Variants in SEZ6L observed in about 807,000 individuals in gnomAD.
SEZ6L encodes the protein seizure 6-like protein.
In SEZ6L, 37 loss-of-function variants were observed where a neutral mutation model predicts 106.2. The ratio of observed to expected loss-of-function variants is 0.35; its 90% CI spans 0.27 to 0.46. The LOEUF (loss-of-function observed/expected upper bound fraction) is 0.46, where lower values mean the gene tolerates loss of function less well. Among genes scored for constraint, SEZ6L ranks in the 20% least tolerant of loss-of-function variants. The probability of loss-of-function intolerance (pLI) is 1.00; values close to 1 mark genes in which losing one functional copy is unlikely to be tolerated. For synonymous variants in SEZ6L, 541 were observed against 570.4 expected (o/e 0.95, Z 0.73); for missense variants, 1,172 against 1,332.8 (o/e 0.88, Z 1.88).
At chr22:26,185,234 A>G (rs972183208) in intron 1 of SEZ6L, among the ~76,000 whole-genome samples, 9 of 152,248 alleles carry the variant, frequency 5.9e-5, no homozygotes, top group Admixed American at 2.0e-4. Context: ...AGAGAATGGG[A>G]ATCCCTCTGT....
intron 1 of SEZ6L, among the ~76,000 whole-genome samples, chr22:26,285,914 A>G (rs1475419201): frequency 6.6e-6 from 1 of 151,336 alleles, no homozygotes; most frequent in Non-Finnish European, 1.5e-5. Flanking sequence ...TGAACCTCAC[A>G]CTCCTTTACT....
chr22:26,190,051 G>A (rs1480140934), intron 1 of SEZ6L, among the ~76,000 whole-genome samples: 1 of 151,312 alleles, frequency 6.6e-6, no homozygotes, highest in Non-Finnish European at 1.5e-5. Context: ...GAGCCAAGAT[G>A]GCGCCACTGC....
chr22:26,263,409 T>A (rs2145822849), intron 1 of SEZ6L, among the ~76,000 whole-genome samples: 1 of 152,360 alleles, frequency 6.6e-6, no homozygotes, highest in South Asian at 2.1e-4. Flanking sequence ...TCAATATCTC[T>A]GGATGAGACA....
Position 26,293,152 on chromosome 22 carries a change from C to T in SEZ6L, c.835+6C>T, listed in dbSNP as rs895822426. 6.6e-7 allele frequency: 1 copy of T among 1,510,616 alleles called. No homozygotes were observed. Among genetic ancestry groups the T allele is most frequent in the Admixed American group, 2.2e-5 (1 of 45,080 alleles). The allele number at this position is 1,510,616 out of a possible 1,614,324, so 93.6% of individuals were successfully genotyped here. ...CACCACCGAGCAGGCACCAGGTATG[C>T]AGCCCCCAACTCCTGAAGCCATCCT... On this transcript the variant is annotated splice_donor_region_variant and intron_variant, in intron 2 of 16. Transcript: ENST00000248933.
At chr22:26,174,734 C>A (rs1180788695) in intron 1 of SEZ6L, among the ~76,000 whole-genome samples, 1 of 152,116 alleles carries the variant, frequency 6.6e-6, no homozygotes, top group African/African-American at 2.4e-5. Flanking sequence ...GGGAATAGGA[C>A]TGCTTTGAGG....
At position 26,365,409 on chromosome 22, in the gene SEZ6L, T is replaced by G; in HGVS notation, c.2637T>G (p.Pro879=). ...ESLACDNPGL[P]ENGYQILYKR... ...TGGCATGTGACAACCCAGGGCTGCCTGAAAATGGATACCAAATCCTGTACA... is the reference window on the plus strand; with the variant it reads ...TGGCATGTGACAACCCAGGGCTGCCGGAAAATGGATACCAAATCCTGTACA... The change falls in exon 13 of 17, where the codon CCT becomes CCG. Residue 879 remains proline (P), a synonymous_variant. Transcript: ENST00000248933. 6.2e-7 allele frequency: 1 copy of G among 1,612,938 alleles called. No homozygotes were observed. Among genetic ancestry groups the G allele is most frequent in the Non-Finnish European group, 8.5e-7 (1 of 1,179,016 alleles).
At chr22:26,362,794 A>G (rs771684953) in intron 12 of SEZ6L, among the ~76,000 whole-genome samples, 1 of 152,192 alleles carries the variant, frequency 6.6e-6, no homozygotes, top group Non-Finnish European at 1.5e-5. Context: ...AAGGGTGGGA[A>G]GGAAACAGTT....
intron 1 of SEZ6L, among the ~76,000 whole-genome samples, chr22:26,199,275 AG>A (rs1321646426): frequency 2.0e-5 from 3 of 152,198 alleles, no homozygotes; most frequent in Non-Finnish European, 4.4e-5. Flanking sequence ...CAAAGAACCC[AG>A]GGCCTGTTGC....
chr22:26,293,788 G>A (rs1222260165), intron 2 of SEZ6L, among the ~76,000 whole-genome samples: 1 of 152,198 alleles, frequency 6.6e-6, no homozygotes, highest in Non-Finnish European at 1.5e-5. Flanking sequence ...AAGCACATTT[G>A]CTTTTAGCAT....
intron 1 of SEZ6L, among the ~76,000 whole-genome samples, chr22:26,178,145 G>A (rs567468634): frequency 6.6e-6 from 1 of 152,308 alleles, no homozygotes; most frequent in Admixed American, 6.5e-5. Context: ...TTTACATTAT[G>A]TGGCCATGGA....
At chr22:26,223,588 T>C (rs2078546712) in intron 1 of SEZ6L, among the ~76,000 whole-genome samples, 2 of 151,390 alleles carry the variant, frequency 1.3e-5, no homozygotes, top group Admixed American at 6.6e-5. Context: ...AGCTGATTTT[T>C]AGCTGTGTGT....
In SEZ6L at chr22:26,365,508, C is replaced by T. The variant is rs148908719; in HGVS notation, c.2736C>T (p.Thr912=). The T allele has an allele frequency of 3.5e-4, 564 of 1,614,132 alleles. 3 individuals carry two copies. The East Asian group carries it at 0.012, about 34-fold the overall frequency. ...GCTTTGAGCTCATGGGTGAAGTGAC[C>T]ATCCGCTGCATCCTGGGACAGCCAT... ...YEGFELMGEV[T]IRCILGQPSH... Residue 912 remains threonine, a synonymous_variant, in exon 13 of 17, where the codon ACC becomes ACT. Transcript: ENST00000248933.
chr22:26,360,332 C>T (rs1020156147), intron 12 of SEZ6L, among the ~76,000 whole-genome samples: 1 of 152,084 alleles, frequency 6.6e-6, no homozygotes, highest in Non-Finnish European at 1.5e-5. Flanking sequence ...CTCCCCAGGG[C>T]GAGGACAGTG....
chr22:26,365,957 C>T (rs1287322700), intron 13 of SEZ6L, among the ~76,000 whole-genome samples: 3 of 152,210 alleles, frequency 2.0e-5, no homozygotes, highest in Non-Finnish European at 2.9e-5. Flanking sequence ...TTATGCACCA[C>T]TAAAAAAGAA....
intron 12 of SEZ6L, among the ~76,000 whole-genome samples, chr22:26,358,245 G>C (rs1601605891): frequency 6.6e-6 from 1 of 152,176 alleles, no homozygotes; most frequent in African/African-American, 2.4e-5. Context: ...CTTTGTTATA[G>C]CAGAACCATT....
intron 9 of SEZ6L, among the ~76,000 whole-genome samples, chr22:26,334,702 G>A (rs894852630): frequency 6.6e-6 from 1 of 152,192 alleles, no homozygotes; most frequent in Non-Finnish European, 1.5e-5. Flanking sequence ...CAAGAAGAAA[G>A]AGGTGGATGT....
At chr22:26,251,161 A>G (rs1424086927) in intron 1 of SEZ6L, among the ~76,000 whole-genome samples, 1 of 152,214 alleles carries the variant, frequency 6.6e-6, no homozygotes, top group Non-Finnish European at 1.5e-5. Flanking sequence ...TGCTCTGGCT[A>G]GGGTCTCCAG....
chr22:26,326,354 C>G (rs973955453), intron 9 of SEZ6L, among the ~76,000 whole-genome samples: 1 of 152,128 alleles, frequency 6.6e-6, no homozygotes, highest in Non-Finnish European at 1.5e-5. Flanking sequence ...ACTTACTATT[C>G]GACAAGTGTT....
chr22:26,329,201 C>T (rs938881478), intron 9 of SEZ6L, among the ~76,000 whole-genome samples: 1 of 152,136 alleles, frequency 6.6e-6, no homozygotes, highest in Non-Finnish European at 1.5e-5. Flanking sequence ...GGCACGGTGG[C>T]TCAAACCTGT....
Sources: gnomAD v4.1 joint callset for allele counts (sites outside exome capture counted in the v4.1 genomes callset) on GRCh38, gnomAD v4.1.1 for gene constraint, MANE v1.5 for transcripts, NCBI Gene and HGNC (gene_info 2026-07-23, HGNC 2026-07-21) for gene names.